Variants in GRIN2D observed in about 807,000 individuals in gnomAD.
GRIN2D encodes the protein glutamate receptor ionotropic, NMDA 2D.
In GRIN2D, 37 loss-of-function variants were observed where a neutral mutation model predicts 103.2. The ratio of observed to expected loss-of-function variants is 0.36; its 90% CI spans 0.28 to 0.47. The LOEUF (loss-of-function observed/expected upper bound fraction) is 0.47. Among genes scored for constraint, GRIN2D ranks in the 20% least tolerant of loss-of-function variants. GRIN2D has a pLI of 1.00. For synonymous variants in GRIN2D, 845 were observed against 885.6 expected (o/e 0.95, Z 0.81); for missense variants, 1,557 against 1,910.6 (o/e 0.81, Z 3.45).
At chr19:48,396,372 GCTGCCCTC>G (rs1472852015) in intron 2 of GRIN2D, among the ~76,000 whole-genome samples, 2 of 151,904 alleles carry the variant, frequency 1.3e-5, no homozygotes, top group African/African-American at 4.8e-5. Context: ...GGGGCCGGGG[GCTGCCCTC>G]CTGGGCCTCA....
At chr19:48,441,432 G>C (rs961972137) in intron 11 of GRIN2D, among the ~76,000 whole-genome samples, 5 of 151,800 alleles carry the variant, frequency 3.3e-5, no homozygotes, top group African/African-American at 1.2e-4. Flanking sequence ...TCCTTTGCAT[G>C]AGGTACTATC....
rs1971296030 is a variant in GRIN2D at position 48,441,831 on chromosome 19, G to T, written c.2315G>T (p.Gly772Val). Residue 772 changes from glycine to valine, a missense_variant, in exon 12 of 14, where the codon GGC becomes GTC. Around this residue, in one of 7 missense-constraint regions of GRIN2D, gnomAD observed 138 missense variants for 270.2 expected, o/e 0.51. Coordinates refer to ENST00000263269, the MANE Select transcript of GRIN2D (RefSeq NM_000836.4). ...VLNYMARKDE[G>V]CKLVTIGSGK... ...AATTACATGGCCCGCAAGGACGAGG[G>T]CTGCAAGCTTGTCACCATCGGCTCC... 1 of 1,613,880 alleles carries T rather than the reference G, an allele frequency of 6.2e-7. No homozygotes were observed. The highest frequency in any genetic ancestry group is 1.7e-5 in the Admixed American group (1 of 60,014).
rs769447959 is a variant in GRIN2D, at chr19:48,405,399, C to G, written c.1085+46C>G. On this transcript the variant is annotated intron_variant, in intron 4 of 13. Transcript: ENST00000263269. The surrounding 1 kb of genome is among the most constrained non-coding windows in gnomAD (Gnocchi z 5.1). ...AGGGGTGTGGGAGGGCTCCCAGAGC[C>G]TAACTACCTCAGTATTCACTGAATG... 1 of 1,491,000 alleles carries G rather than the reference C, an allele frequency of 6.7e-7. No homozygotes were observed. The highest frequency in any genetic ancestry group is 1.3e-5 in the South Asian group (1 of 74,894). 92.4% of individuals were successfully genotyped at this position (1,491,000 alleles called of 1,614,324 possible).
At chr19:48,410,981 G>A (rs11667221) in intron 4 of GRIN2D, among the ~76,000 whole-genome samples, 5,587 of 152,066 alleles carry the variant, frequency 0.037, 130 homozygotes, top group Non-Finnish European at 0.06. Context: ...GGACACCCCC[G>A]GCCATCCCCA....
At chr19:48,423,360 G>A (rs1600984575) in intron 11 of GRIN2D, among the ~76,000 whole-genome samples, 2 of 152,120 alleles carry the variant, frequency 1.3e-5, no homozygotes, top group East Asian at 1.9e-4. Context: ...TACGCTAAGC[G>A]GTGAACAAAT....
chr19:48,405,493 G>A lies in GRIN2D; in HGVS notation c.1085+140G>A, dbSNP rs1233590454. The A allele has an allele frequency of 4.7e-6, 4 of 858,526 alleles. No individual in the cohort carries two copies. Among genetic ancestry groups the A allele is most frequent in the Non-Finnish European group, 6.7e-6 (4 of 595,964 alleles). The allele number at this position is 858,526 out of a possible 1,614,324, so 53.2% of individuals were successfully genotyped here. ...CTTTTCTGTAAAGTGGGTGCAATTG[G>A]GTCTCTTTTCTGAGGTTAAATCAAG... On this transcript the variant is annotated intron_variant, in intron 4 of 13. Transcript: ENST00000263269. This position sits in a 1 kb window ranked among gnomAD's most constrained non-coding sequence, Gnocchi z 5.1.
chr19:48,415,487 G>C (rs1458745787), intron 7 of GRIN2D, among the ~76,000 whole-genome samples: 2 of 150,952 alleles, frequency 1.3e-5, no homozygotes, highest in African/African-American at 2.4e-5. Flanking sequence ...CTTGGAACAG[G>C]GGGCGGGGTC....
At chr19:48,410,551 A>G (rs919005571) in intron 4 of GRIN2D, among the ~76,000 whole-genome samples, 3 of 149,816 alleles carry the variant, frequency 2.0e-5, no homozygotes, top group Non-Finnish European at 4.5e-5. Flanking sequence ...AAAAAAAAAA[A>G]GCAGTCGGAG....
chr19:48,443,356 C>T lies in GRIN2D; in HGVS notation c.3430C>T (p.Arg1144Cys). ...CGACTTCCCTTACCCGTATGCCGAG[C>T]GCCTCGGGCCGCCGCCCGGCCGCTA... Reference protein sequence around the residue: ...FADFPYPYAERLGPPPGRYWS... With the variant: ...FADFPYPYAECLGPPPGRYWS... Residue 1144 changes from arginine to cysteine, a missense_variant, in exon 14 of 14, where the codon CGC becomes TGC. Physicochemically the swap from Arg to Cys is radical, Grantham distance 180. Coordinates refer to ENST00000263269, the MANE Select transcript of GRIN2D (RefSeq NM_000836.4). The surrounding 1 kb of genome is among the most constrained non-coding windows in gnomAD (Gnocchi z 8.9). 6.7e-7 allele frequency: 1 copy of T among 1,503,624 alleles called. No homozygotes were observed. 93.1% of individuals were successfully genotyped at this position (1,503,624 alleles called of 1,614,324 possible). A position where few individuals can be genotyped will look rare whatever the true frequency, so the allele number is the denominator to read the frequency against.
Position 48,408,283 on chromosome 19 carries a change from G to A in GRIN2D, c.1085+2930G>A, listed in dbSNP as rs925949820. On this transcript the variant is annotated intron_variant, in intron 4 of 13. Transcript: ENST00000263269. ...CGGGAGGCGGAGCTTGCAGTGAGCCGAGATCGAGCCACTGCACTCCAGCCT... is the reference window on the plus strand; with the variant it reads ...CGGGAGGCGGAGCTTGCAGTGAGCCAAGATCGAGCCACTGCACTCCAGCCT... 4.7e-5 allele frequency among the ~76,000 whole-genome samples: 7 copies of A among 149,202 alleles called. No homozygotes were observed. The South Asian group carries it at 6.3e-4, about 14-fold the overall frequency.
intron 11 of GRIN2D, among the ~76,000 whole-genome samples, chr19:48,434,772 ATTTTATT>A (rs1354647567): frequency 6.6e-6 from 1 of 151,530 alleles, no homozygotes; most frequent in Non-Finnish European, 1.5e-5. Flanking sequence ...ATTTTATTTT[ATTTTATT>A]TTTTATTTTT....
At position 48,404,741 on chromosome 19, in the gene GRIN2D, G is replaced by T; in HGVS notation, c.473G>T (p.Gly158Val). The part of the protein sequence containing the change: ...AALVLTPKEK[G>V]STFLQLGSST... ...CTCCTCCCTCCCTGGCAGGAGAAGG[G>T]CTCCACCTTCCTGCAGCTGGGCTCT... is the stretch of plus-strand genomic sequence containing the variant. The change falls in exon 4 of 14, where the codon GGC (glycine) becomes GTC (valine). Residue 158 changes from glycine (G) to valine (V), a missense_variant. This residue lies in a region of GRIN2D where 490 missense variants were observed against 601.1 expected (regional missense o/e 0.82). Transcript: ENST00000263269. 1.2e-6 allele frequency: 2 copies of T among 1,600,524 alleles called. No individual in the cohort carries two copies. The highest frequency in any genetic ancestry group is 1.7e-6 in the Non-Finnish European group (2 of 1,171,904).
chr19:48,433,951 CT>C (rs778701949), intron 11 of GRIN2D, among the ~76,000 whole-genome samples: 250 of 140,156 alleles, frequency 1.8e-3, no homozygotes, highest in Non-Finnish European at 1.6e-3. Flanking sequence ...CGCTTCTTTT[CT>C]TTTTTTTTTT....
At position 48,441,350 on chromosome 19, in the gene GRIN2D, G is replaced by A. The variant is rs1462405955; in HGVS notation, c.2253-419G>A. Among the ~76,000 whole-genome samples, 4 of 138,184 alleles carry A rather than the reference G, an allele frequency of 2.9e-5. No homozygotes were observed. The East Asian group carries it at 6.6e-4, about 23-fold the overall frequency. 90.7% of individuals were successfully genotyped at this position (138,184 alleles called of 152,430 possible). ...TGCACTCCAGCCTGGGTGACAGAGT[G>A]AGACTCTGTCTCAAAAAAAAAAAAA... is the stretch of plus-strand genomic sequence containing the variant. On this transcript the variant is annotated intron_variant, in intron 11 of 13. Coordinates refer to ENST00000263269, the MANE Select transcript of GRIN2D (RefSeq NM_000836.4).
chr19:48,443,733 G>A lies in GRIN2D; in HGVS notation c.3807G>A (p.Ser1269=). 2 of 1,352,642 alleles carry A rather than the reference G, an allele frequency of 1.5e-6. No homozygotes were observed. The highest frequency in any genetic ancestry group is 9.5e-7 in the Non-Finnish European group (1 of 1,053,752). 83.8% of individuals were successfully genotyped at this position (1,352,642 alleles called of 1,614,324 possible). The change falls in exon 14 of 14, where the codon TCG becomes TCA. Residue 1269 remains serine, a synonymous_variant. Coordinates refer to ENST00000263269, the MANE Select transcript of GRIN2D (RefSeq NM_000836.4). The surrounding 1 kb of genome is among the most constrained non-coding windows in gnomAD (Gnocchi z 8.9). The stretch of plus-strand genomic sequence containing the variant: ...ACCTCCCGCCGCCCGCGCCCACCTC[G>A]CGCTCGCTCGAGGACCTCAGCTCGT... ...GWDLPPPAPT[S]RSLEDLSSCP...
chr19:48,423,613 A>G (rs1300295832), intron 11 of GRIN2D, among the ~76,000 whole-genome samples: 1 of 151,984 alleles, frequency 6.6e-6, no homozygotes, highest in African/African-American at 2.4e-5. Flanking sequence ...AGAGTGTGCA[A>G]AGGGCCTGAG....
chr19:48,409,709 C>T (rs867740670), intron 4 of GRIN2D, among the ~76,000 whole-genome samples: 4 of 152,072 alleles, frequency 2.6e-5, no homozygotes, highest in African/African-American at 9.7e-5. Context: ...GTATGAGTAG[C>T]GGATGGAGAG....
Position 48,414,166 on chromosome 19 carries a change from A to G in GRIN2D, c.1200+61A>G. 9.2e-7 allele frequency: 1 copy of G among 1,089,276 alleles called. No individual in the cohort carries two copies. The highest frequency in any genetic ancestry group is 1.4e-6 in the Non-Finnish European group (1 of 711,570). 67.5% of individuals were successfully genotyped at this position (1,089,276 alleles called of 1,614,324 possible). A position where few individuals can be genotyped will look rare whatever the true frequency, so the allele number is the denominator to read the frequency against. On this transcript the variant is annotated intron_variant, in intron 5 of 13. Coordinates refer to ENST00000263269, the MANE Select transcript of GRIN2D (RefSeq NM_000836.4). The surrounding 1 kb of genome is among the most constrained non-coding windows in gnomAD (Gnocchi z 4.6). ...GGTGTGGACTCCTGCATCCTGGCAG[A>G]GGGGGGGCTTGAGGTCGTGGACTAA...
intron 11 of GRIN2D, among the ~76,000 whole-genome samples, chr19:48,437,520 G>A (rs1217592909): frequency 6.6e-6 from 1 of 152,210 alleles, no homozygotes; most frequent in African/African-American, 2.4e-5. Context: ...ACCATTGAAA[G>A]TGAATGCTGT....
Sources: gnomAD v4.1 joint callset for allele counts (sites outside exome capture counted in the v4.1 genomes callset) on GRCh38, gnomAD v4.1.1 for gene constraint, gnomAD v4.1.1 regional missense constraint, Gnocchi (gnomAD v3.1) non-coding constraint, MANE v1.5 for transcripts, NCBI Gene and HGNC (gene_info 2026-07-23, HGNC 2026-07-21) for gene names.